TMEM232: variants seen among roughly 807,000 people sequenced by gnomAD.
The protein encoded by TMEM232 is transmembrane protein 232.
In TMEM232, 80 loss-of-function variants were observed where a neutral mutation model predicts 78.8. The observed-to-expected ratio is 1.01, with a 90% CI of 0.85 to 1.22. TMEM232 has a LOEUF of 1.22. TMEM232 is among the 50% of genes most tolerant of loss of function. TMEM232 has a pLI of 0.00. For synonymous variants in TMEM232, 297 were observed against 254.3 expected (o/e 1.17, Z -1.60); for missense variants, 881 against 742.2 (o/e 1.19, Z -2.17).
chr5:110,604,476 A>C (rs965366075), intron 10 of TMEM232, among the ~76,000 whole-genome samples: 7 of 152,180 alleles, frequency 4.6e-5, no homozygotes, highest in East Asian at 1.9e-4. Flanking sequence ...AGAGGGAAAC[A>C]GTAAATGCCT....
intron 11 of TMEM232, among the ~76,000 whole-genome samples, chr5:110,545,595 T>C (rs868244738): frequency 1.3e-5 from 2 of 151,994 alleles, no homozygotes; most frequent in Non-Finnish European, 2.9e-5. Context: ...AGGAGAGAAA[T>C]AGGCACTGGG....
intron 2 of TMEM232, among the ~76,000 whole-genome samples, chr5:110,653,280 A>C (rs574990264): frequency 6.6e-6 from 1 of 152,356 alleles, no homozygotes; most frequent in East Asian, 1.9e-4. Context: ...ATCTTTGCTG[A>C]ATCACTTAAT....
intron 11 of TMEM232, among the ~76,000 whole-genome samples, chr5:110,557,188 T>C (rs111992235): frequency 6.6e-6 from 1 of 152,208 alleles, no homozygotes; most frequent in Non-Finnish European, 1.5e-5. Context: ...GATTATGTTA[T>C]GAAATTTTTC....
At chr5:110,662,155 T>C (rs866426640) in intron 2 of TMEM232, among the ~76,000 whole-genome samples, 2 of 152,144 alleles carry the variant, frequency 1.3e-5, no homozygotes. Context: ...AAAATCAATA[T>C]ATAAAAATTA....
intron 3 of TMEM232, 94 bp downstream of exon 3, chr5:110,642,166 T>C: frequency 1.4e-6 from 1 of 691,590 alleles, no homozygotes; most frequent in Non-Finnish European, 2.3e-6. Context: ...GAAAGATATA[T>C]TCTTATTTTT....
intron 1 of TMEM232, among the ~76,000 whole-genome samples, chr5:110,683,943 T>G (rs983661972): frequency 6.6e-6 from 1 of 152,032 alleles, no homozygotes; most frequent in Non-Finnish European, 1.5e-5. Context: ...ATTGATGTAC[T>G]TAAAGCAAAA....
At chr5:110,639,790 C>A (rs1786409259) in intron 4 of TMEM232, among the ~76,000 whole-genome samples, 1 of 152,230 alleles carries the variant, frequency 6.6e-6, no homozygotes, top group Admixed American at 6.5e-5. Context: ...TTTTGTCTCA[C>A]AAGGAGCACC....
intron 12 of TMEM232, among the ~76,000 whole-genome samples, chr5:110,443,736 C>A (rs561833772): frequency 1.3e-5 from 2 of 152,180 alleles, no homozygotes; most frequent in Non-Finnish European, 2.9e-5. Context: ...CAACAGCCTA[C>A]GGCGTACTAC....
At chr5:110,586,829 T>G (rs1449762559) in intron 10 of TMEM232, among the ~76,000 whole-genome samples, 2 of 152,112 alleles carry the variant, frequency 1.3e-5, no homozygotes, top group African/African-American at 4.8e-5. Flanking sequence ...TCATAAATTT[T>G]TAGATTTAAG....
intron 2 of TMEM232, among the ~76,000 whole-genome samples, chr5:110,644,472 A>G (rs1021742052): frequency 2.6e-5 from 4 of 151,858 alleles, no homozygotes; most frequent in African/African-American, 9.7e-5. Flanking sequence ...TTGCTTCCCA[A>G]CATTACTGCT....
intron 11 of TMEM232, among the ~76,000 whole-genome samples, chr5:110,563,378 C>G (rs1324905234): frequency 6.6e-6 from 1 of 151,646 alleles, no homozygotes; most frequent in Non-Finnish European, 1.5e-5. Context: ...CTGAAAATGG[C>G]ATATAAATAG....
At chr5:110,661,156 TG>T in intron 2 of TMEM232, among the ~76,000 whole-genome samples, 1 of 152,336 alleles carries the variant, frequency 6.6e-6, no homozygotes, top group Middle Eastern at 3.4e-3. Flanking sequence ...TTGTTACAAG[TG>T]ACAGAATTTG....
downstream of TMEM232, among the ~76,000 whole-genome samples, chr5:110,415,439 G>A (rs1756166582): frequency 6.6e-6 from 1 of 151,476 alleles, no homozygotes; most frequent in African/African-American, 2.4e-5. Flanking sequence ...CACCCACGTT[G>A]GCCTCCCCAA....
chr5:110,665,512 C>T (rs1338511538), intron 2 of TMEM232, among the ~76,000 whole-genome samples: 1 of 152,042 alleles, frequency 6.6e-6, no homozygotes, highest in African/African-American at 2.4e-5. Context: ...CAAGGCACCT[C>T]TTAACATGGT....
chr5:110,589,290 G>C (rs891652478), intron 10 of TMEM232, among the ~76,000 whole-genome samples: 4 of 152,074 alleles, frequency 2.6e-5, no homozygotes, highest in African/African-American at 9.7e-5. Flanking sequence ...GTGTTTTAAT[G>C]ACACAGACCC....
chr5:110,396,972 G>A (rs1755412747), intron 3 of TMEM232, among the ~76,000 whole-genome samples: 1 of 152,238 alleles, frequency 6.6e-6, no homozygotes, highest in Non-Finnish European at 1.5e-5. Context: ...AGAGGCTATA[G>A]GTTATCTACT....
chr5:110,437,994 G>A (rs1252683848), intron 12 of TMEM232, among the ~76,000 whole-genome samples: 5 of 152,022 alleles, frequency 3.3e-5, no homozygotes, highest in Admixed American at 6.6e-5. Flanking sequence ...AGTGGATAAG[G>A]TAGCATCTCT....
chr5:110,562,318 C>T (rs1427622073), intron 11 of TMEM232, among the ~76,000 whole-genome samples: 2 of 152,078 alleles, frequency 1.3e-5, no homozygotes, highest in Admixed American at 1.3e-4. Context: ...ATTTTCCCAA[C>T]TTGGCAAGTC....
chr5:110,680,396 CAAAAAAAAA>C (rs1189611727), intron 1 of TMEM232, among the ~76,000 whole-genome samples: 1 of 24,660 alleles, frequency 4.1e-5, no homozygotes, highest in African/African-American at 1.5e-4. Flanking sequence ...GACTCTATCT[CAAAAAAAAA>C]AAAAAAAAAA....
Sources: gnomAD v4.1 joint callset for allele counts (sites outside exome capture counted in the v4.1 genomes callset) on GRCh38, gnomAD v4.1.1 for gene constraint, MANE v1.5 for transcripts, NCBI Gene and HGNC (gene_info 2026-07-23, HGNC 2026-07-21) for gene names.